The following ITFG1 variants were observed in gnomAD, a reference collection of about 807,000 sequenced individuals.
ITFG1 encodes integrin alpha FG-GAP repeat containing 1, also known as T-cell immunomodulatory protein.
Under a neutral mutation model 81.8 loss-of-function variants are expected in ITFG1, and 34 were observed. The ratio of observed to expected loss-of-function variants is 0.42; its 90% CI spans 0.32 to 0.55. The LOEUF is 0.55. ITFG1 is among the 20% of genes least tolerant of loss of function. The probability of loss-of-function intolerance (pLI) is 0.17; values close to 1 mark genes in which losing one functional copy is unlikely to be tolerated. For missense variants in ITFG1, 672 were observed against 755.4 expected (o/e 0.89, Z 1.29); for synonymous variants, 285 against 270.6 (o/e 1.05, Z -0.52).
In ITFG1 at chr16:47,162,155, A is replaced by G. The variant is rs530288097; in HGVS notation, c.1579-323T>C. On this transcript the variant is annotated intron_variant, in intron 15 of 17. Coordinates refer to ENST00000320640, the MANE Select transcript of ITFG1 (RefSeq NM_030790.5). Reference sequence around the variant, plus strand: ...AGCTAAAATTCAAATTGAGACTGACAATAAACAAAGCAAGTAAAATAATAT... The same window carrying G: ...AGCTAAAATTCAAATTGAGACTGACGATAAACAAAGCAAGTAAAATAATAT... Among the ~76,000 whole-genome samples the G allele has an allele frequency of 6.6e-5, 10 of 152,178 alleles. 1 individual carries two copies. Among genetic ancestry groups the G allele is most frequent in the African/African-American group, 2.2e-4 (9 of 41,560 alleles).
intron 5 of ITFG1, chr16:47,449,352 C>T (rs1969360924): frequency 6.6e-6 from 1 of 152,218 alleles, no homozygotes; most frequent in African/African-American, 2.4e-5. Flanking sequence ...ATGACTTTTT[C>T]ACTTACTCAC....
intron 14 of ITFG1, among the ~76,000 whole-genome samples, chr16:47,186,030 G>A (rs1245594338): frequency 3.4e-4 from 51 of 151,232 alleles, no homozygotes; most frequent in Middle Eastern, 3.4e-3. Flanking sequence ...TAAATTCCTC[G>A]ACACATACAC....
In ITFG1 at chr16:47,270,379, C is replaced by T. The variant is rs140888822; in HGVS notation, c.1071-9684G>A. 5.9e-5 allele frequency among the ~76,000 whole-genome samples: 9 copies of T among 152,204 alleles called. No homozygotes were observed. The East Asian group carries it at 1.7e-3, about 29-fold the overall frequency. ...ATTCAATAATAAGAAAACAAATATCCTAATTTATTAAATAAACTAAAATTA... is the reference window on the plus strand; with the variant it reads ...ATTCAATAATAAGAAAACAAATATCTTAATTTATTAAATAAACTAAAATTA... On this transcript the variant is annotated intron_variant, in intron 10 of 17. Coordinates refer to ENST00000320640, the MANE Select transcript of ITFG1 (RefSeq NM_030790.5).
At chr16:47,254,957 CAT>C (rs1966123010) in intron 12 of ITFG1, among the ~76,000 whole-genome samples, 1 of 152,108 alleles carries the variant, frequency 6.6e-6, no homozygotes, top group South Asian at 2.1e-4. Flanking sequence ...CATGGCAGCA[CAT>C]GTCTGTAATC....
At position 47,436,375 on chromosome 16, in the gene ITFG1, C is replaced by G. The variant is rs541434097; in HGVS notation, c.561-7477G>C. On this transcript the variant is annotated intron_variant, in intron 5 of 17. Transcript: ENST00000320640. ...TGGATCTCAGCGTTTAAAAAAACTC[C>G]CTTTGAAGTTGAATTATTTAAACTG... 2.6e-5 allele frequency among the ~76,000 whole-genome samples: 4 copies of G among 152,054 alleles called. No individual in the cohort carries two copies. The South Asian group carries it at 8.3e-4, about 32-fold the overall frequency.
chr16:47,327,134 T>A (rs1313180423), intron 8 of ITFG1, among the ~76,000 whole-genome samples: 1 of 151,980 alleles, frequency 6.6e-6, no homozygotes, highest in Non-Finnish European at 1.5e-5. Flanking sequence ...GAGATATAGA[T>A]CAATGGAACA....
intron 8 of ITFG1, among the ~76,000 whole-genome samples, chr16:47,364,158 T>C (rs1025346022): frequency 1.3e-5 from 2 of 152,220 alleles, no homozygotes; most frequent in African/African-American, 4.8e-5. Context: ...TAAAAATACA[T>C]GAACTTTTAA....
chr16:47,300,594 A>G (rs1967060746), intron 10 of ITFG1, among the ~76,000 whole-genome samples: 1 of 152,228 alleles, frequency 6.6e-6, no homozygotes, highest in Non-Finnish European at 1.5e-5. Flanking sequence ...ATAGCCATGG[A>G]GGCAAAAACT....
intron 14 of ITFG1, among the ~76,000 whole-genome samples, chr16:47,187,892 C>T (rs1238035135): frequency 6.6e-6 from 1 of 151,818 alleles, no homozygotes; most frequent in Non-Finnish European, 1.5e-5. Flanking sequence ...CCAGAATCTA[C>T]AATGAACTCA....
At chr16:47,201,121 C>G (rs1965419540) in intron 14 of ITFG1, among the ~76,000 whole-genome samples, 1 of 152,056 alleles carries the variant, frequency 6.6e-6, no homozygotes, top group African/African-American at 2.4e-5. Flanking sequence ...GGGACTCAAA[C>G]ACTTATTTTC....
chr16:47,295,359 T>G (rs1430505816), intron 10 of ITFG1, among the ~76,000 whole-genome samples: 1 of 152,216 alleles, frequency 6.6e-6, no homozygotes, highest in Non-Finnish European at 1.5e-5. Context: ...TCCTTGATTT[T>G]TTGGAACAGT....
intron 8 of ITFG1, among the ~76,000 whole-genome samples, chr16:47,348,937 A>T (rs1174381459): frequency 6.6e-6 from 1 of 152,240 alleles, no homozygotes; most frequent in African/African-American, 2.4e-5. Flanking sequence ...TTTTTAACCC[A>T]GAATTTCATA....
At chr16:47,317,889 A>G (rs1000990783) in intron 8 of ITFG1, 1 of 152,232 alleles carries the variant, frequency 6.6e-6, no homozygotes, top group African/African-American at 2.4e-5. Context: ...ACTCCAGGAC[A>G]TCTTCTACAT....
rs529202597 is a variant in ITFG1, at chr16:47,227,420, T to C, written c.1375-8474A>G. 3.3e-5 allele frequency among the ~76,000 whole-genome samples: 5 copies of C among 152,316 alleles called. No individual in the cohort carries two copies. The East Asian group carries it at 5.8e-4, about 18-fold the overall frequency. ...AAGTTAAATTTAGACATATTAGTGA[T>C]GGTTCAATTTTTCATACTATCAGTA... On this transcript the variant is annotated intron_variant, in intron 13 of 17. Transcript: ENST00000320640.
intron 8 of ITFG1, among the ~76,000 whole-genome samples, chr16:47,352,238 C>T (rs1375587870): frequency 6.6e-6 from 1 of 152,176 alleles, no homozygotes. Context: ...AGCTTCTGCA[C>T]AGCAAAAGAA....
intron 8 of ITFG1, among the ~76,000 whole-genome samples, chr16:47,345,677 C>T (rs542688987): frequency 1.1e-4 from 16 of 152,266 alleles, no homozygotes; most frequent in African/African-American, 1.9e-4. Flanking sequence ...ATGCAGCCCA[C>T]GGGCTGCAGG....
chr16:47,368,897 A>C (rs1596935735), intron 7 of ITFG1, among the ~76,000 whole-genome samples: 1 of 152,294 alleles, frequency 6.6e-6, no homozygotes, highest in African/African-American at 2.4e-5. Flanking sequence ...GCTGGAGGAA[A>C]AGAATACGTT....
At position 47,160,383 on chromosome 16, in the gene ITFG1, T is replaced by TTTG. The variant is rs1287281503; in HGVS notation, c.1661+1364_1661+1366dup. Reference sequence around the variant, plus strand: ...CTACATTTTGCTGTTGCTTCTTTTGTTTGTTGTTGTTGTTATTGTTTTTTG... The same window carrying TTTG: ...CTACATTTTGCTGTTGCTTCTTTTGTTTGTTGTTGTTGTTGTTATTGTTTTTTG... On this transcript the variant is annotated intron_variant, in intron 16 of 17. Coordinates refer to ENST00000320640, the MANE Select transcript of ITFG1 (RefSeq NM_030790.5). Among the ~76,000 whole-genome samples, 5 of 152,172 alleles carry TTTG rather than the reference T, an allele frequency of 3.3e-5. No homozygotes were observed. The South Asian group carries it at 1.0e-3, about 31-fold the overall frequency.
At chr16:47,341,413 A>G (rs886579965) in intron 8 of ITFG1, among the ~76,000 whole-genome samples, 3 of 149,728 alleles carry the variant, frequency 2.0e-5, no homozygotes, top group African/African-American at 4.9e-5. Context: ...AAAAAAAAAA[A>G]AAAGAAAAAA....
Sources: allele counts gnomAD v4.1 joint callset (sites outside exome capture counted in the v4.1 genomes callset), GRCh38; gene constraint gnomAD v4.1.1; transcripts MANE v1.5; gene names NCBI Gene and HGNC (gene_info 2026-07-23, HGNC 2026-07-21).